The following B3GALT1 variants were observed in gnomAD, a reference collection of about 807,000 sequenced individuals.
B3GALT1 encodes the protein UDP-Gal:betaGlcNAc beta 1,3-galactosyltransferase, polypeptide 1.
Under a neutral mutation model 23.2 loss-of-function variants are expected in B3GALT1, and 10 were observed. That is an observed-to-expected ratio of 0.43 (90% CI 0.27 to 0.73). The LOEUF (loss-of-function observed/expected upper bound fraction) is 0.73, where lower values mean the gene tolerates loss of function less well. Ranked by LOEUF, B3GALT1 falls within the 30% of genes least tolerant of loss-of-function variation. The pLI is 0.21. For missense variants in B3GALT1, 299 were observed against 405.4 expected, an observed-to-expected ratio of 0.74 and a Z score of 2.25; for synonymous variants, 156 against 141.5, an observed-to-expected ratio of 1.10 and a Z score of -0.73.
intron 1 of B3GALT1, among the ~76,000 whole-genome samples, chr2:167,478,464 C>T (rs1699517543): frequency 6.6e-6 from 1 of 152,008 alleles, no homozygotes; most frequent in Admixed American, 6.6e-5. Flanking sequence ...CCCAGATCTA[C>T]TGTGTTAAGA....
chr2:167,395,369 A>T (rs991831166), intron 1 of B3GALT1, among the ~76,000 whole-genome samples: 1 of 152,140 alleles, frequency 6.6e-6, no homozygotes, highest in African/African-American at 2.4e-5. Context: ...GAGGCACAGG[A>T]GGAGTCAGAG....
At chr2:167,566,103 A>G (rs9749632) in intron 2 of B3GALT1, among the ~76,000 whole-genome samples, 56,034 of 151,930 alleles carry the variant, frequency 0.37, 11,399 homozygotes, top group East Asian at 0.85. Flanking sequence ...AACAAACCCA[A>G]ATGTTCAACA....
At chr2:167,654,063 A>T (rs915044828) in intron 3 of B3GALT1, among the ~76,000 whole-genome samples, 2 of 152,122 alleles carry the variant, frequency 1.3e-5, no homozygotes, top group Non-Finnish European at 2.9e-5. Context: ...TGGTGGTTAA[A>T]GTGTGGCCTC....
chr2:167,730,930 CAGTT>C (rs1687400422), intron 3 of B3GALT1, among the ~76,000 whole-genome samples: 1 of 152,172 alleles, frequency 6.6e-6, no homozygotes, highest in South Asian at 2.1e-4. Flanking sequence ...AATACTATCT[CAGTT>C]AATTCAAAGA....
intron 3 of B3GALT1, among the ~76,000 whole-genome samples, chr2:167,661,811 T>C (rs1686065004): frequency 6.6e-6 from 1 of 152,054 alleles, no homozygotes; most frequent in African/African-American, 2.4e-5. Flanking sequence ...AGTCAGGGGT[T>C]ATAGAAAAAC....
rs1172152051 is a variant in B3GALT1, at chr2:167,356,779, AAT to A, written c.-511+63453_-511+63454del. 2.6e-5 allele frequency among the ~76,000 whole-genome samples: 4 copies of A among 151,974 alleles called. No homozygotes were observed. The East Asian group carries it at 5.8e-4, about 22-fold the overall frequency. On this transcript the variant is annotated intron_variant, in intron 1 of 4. Transcript: ENST00000392690. Reference sequence around the variant, plus strand: ...TATGTACACACACATATAGTTATTAAATATATATAGTAATTAAATTTGTATAT... The same window carrying A: ...TATGTACACACACATATAGTTATTAAATATATAGTAATTAAATTTGTATAT...
intron 1 of B3GALT1, among the ~76,000 whole-genome samples, chr2:167,357,153 A>G (rs564143537): frequency 3.9e-5 from 6 of 152,044 alleles, no homozygotes; most frequent in Admixed American, 6.5e-5. Flanking sequence ...TGTATAATAC[A>G]TAACAATATT....
chr2:167,618,196 C>T (rs1026056247), intron 2 of B3GALT1, among the ~76,000 whole-genome samples: 7 of 152,066 alleles, frequency 4.6e-5, no homozygotes, highest in African/African-American at 1.2e-4. Flanking sequence ...AACTCAGTTT[C>T]GGATTCTTAA....
intron 2 of B3GALT1, among the ~76,000 whole-genome samples, chr2:167,625,681 G>T (rs532323258): frequency 2.0e-5 from 3 of 151,446 alleles, no homozygotes; most frequent in Admixed American, 6.6e-5. Flanking sequence ...GGCATGATTC[G>T]TTGCAAACTA....
chr2:167,864,646 C>G (rs1353497144), intron 4 of B3GALT1, among the ~76,000 whole-genome samples: 1 of 152,190 alleles, frequency 6.6e-6, no homozygotes, highest in Non-Finnish European at 1.5e-5. Flanking sequence ...GCTTTCCCAT[C>G]CAAGATATTG....
intron 3 of B3GALT1, among the ~76,000 whole-genome samples, chr2:167,672,845 A>G (rs1454042878): frequency 2.6e-5 from 4 of 152,240 alleles, no homozygotes; most frequent in Admixed American, 6.5e-5. Context: ...AGATTGTCCA[A>G]TTTGAATAAT....
intron 1 of B3GALT1, among the ~76,000 whole-genome samples, chr2:167,315,735 T>A (rs1223280491): frequency 2.0e-5 from 3 of 152,198 alleles, no homozygotes; most frequent in African/African-American, 7.2e-5. Flanking sequence ...CAGACCTGAC[T>A]TCACAGTCTT....
At chr2:167,293,800 C>A (rs942423775) in intron 1 of B3GALT1, among the ~76,000 whole-genome samples, 2 of 152,014 alleles carry the variant, frequency 1.3e-5, no homozygotes, top group Non-Finnish European at 2.9e-5. Context: ...GTGGACCTGG[C>A]GCGCCAGGGG....
chr2:167,653,833 C>G (rs1356223319), intron 3 of B3GALT1, among the ~76,000 whole-genome samples: 1 of 152,168 alleles, frequency 6.6e-6, no homozygotes, highest in Non-Finnish European at 1.5e-5. Flanking sequence ...CTGGTTGGCT[C>G]CATTTAGTCC....
chr2:167,469,710 T>C (rs745392416), intron 1 of B3GALT1, among the ~76,000 whole-genome samples: 8 of 152,232 alleles, frequency 5.3e-5, no homozygotes, highest in Admixed American at 5.2e-4. Context: ...TGTTGAATGA[T>C]AATTGTCATC....
At chr2:167,606,895 A>T (rs1193404132) in intron 2 of B3GALT1, among the ~76,000 whole-genome samples, 1 of 152,202 alleles carries the variant, frequency 6.6e-6, no homozygotes, top group Non-Finnish European at 1.5e-5. Context: ...AGGATGTAGA[A>T]TCTTTTACCG....
rs187880243 is a variant in B3GALT1 at position 167,662,618 on chromosome 2, C to A, written c.-352+15652C>A. Among the ~76,000 whole-genome samples the A allele has an allele frequency of 9.2e-5, 14 of 152,202 alleles. No individual in the cohort carries two copies. In the East Asian group the frequency reaches 2.5e-3, roughly 27 times the overall value. ...AAGGTCTATTCTCCACTGTAACAGA[C>A]AAAAAGATCCTGTTAACATCACAGC... is the stretch of plus-strand genomic sequence containing the variant. On this transcript the variant is annotated intron_variant, in intron 3 of 4. Coordinates refer to ENST00000392690, the MANE Select transcript of B3GALT1 (RefSeq NM_020981.4).
chr2:167,782,810 A>G (rs1322292787), intron 3 of B3GALT1, among the ~76,000 whole-genome samples: 2 of 152,220 alleles, frequency 1.3e-5, no homozygotes, highest in African/African-American at 4.8e-5. Context: ...GTACAGTTAT[A>G]TTCTCTACCA....
At chr2:167,329,125 CT>C (rs1696936155) in intron 1 of B3GALT1, among the ~76,000 whole-genome samples, 1 of 152,078 alleles carries the variant, frequency 6.6e-6, no homozygotes, top group African/African-American at 2.4e-5. Context: ...AGTCTTTATA[CT>C]TTTTAAATGT....
Sources: allele counts gnomAD v4.1 joint callset (sites outside exome capture counted in the v4.1 genomes callset), GRCh38; gene constraint gnomAD v4.1.1; transcripts MANE v1.5; gene names NCBI Gene and HGNC (gene_info 2026-07-23, HGNC 2026-07-21).